CALN1: variants seen among roughly 807,000 people sequenced by gnomAD.
The protein encoded by CALN1 is calcium-binding protein 8.
CALN1 carries 17 observed loss-of-function variants against 30.6 expected under a neutral mutation model. That is an observed-to-expected ratio of 0.56 (90% CI 0.38 to 0.83). CALN1 has a LOEUF of 0.83. Among genes scored for constraint, CALN1 ranks in the 40% least tolerant of loss-of-function variants. The pLI is 0.00. For synonymous variants in CALN1, 156 were observed against 131.4 expected, an observed-to-expected ratio of 1.19 and a Z score of -1.28; for missense variants, 291 against 354.9, an observed-to-expected ratio of 0.82 and a Z score of 1.45.
intron 4 of CALN1, among the ~76,000 whole-genome samples, chr7:72,078,118 C>G (rs1177637472): frequency 6.6e-6 from 1 of 152,078 alleles, no homozygotes. Context: ...AGTGCTTGCC[C>G]TTTTGGAAGC....
At chr7:71,810,934 C>T (rs1375884647) in intron 5 of CALN1, among the ~76,000 whole-genome samples, 6 of 139,412 alleles carry the variant, frequency 4.3e-5, no homozygotes, top group African/African-American at 1.4e-4. Flanking sequence ...CTTGCTCTTT[C>T]GCCCAGGCTG....
At position 71,823,186 on chromosome 7, in the gene CALN1, CTT is replaced by C. The variant is rs10559746; in HGVS notation, c.502-12696_502-12695del. 9.9e-5 allele frequency among the ~76,000 whole-genome samples: 14 copies of C among 141,738 alleles called. No individual in the cohort carries two copies. In the South Asian group the frequency reaches 1.1e-3, roughly 11 times the overall value. 93.0% of individuals were successfully genotyped at this position (141,738 alleles called of 152,430 possible). On this transcript the variant is annotated intron_variant, in intron 5 of 6. Coordinates refer to ENST00000395275, the MANE Select transcript of CALN1 (RefSeq NM_031468.4). ...CTTCTCTCTCTCTCCGTCTCTCTCT[CTT>C]TTTTTTTTTTAAGAGACAGGGTCTC... is the stretch of plus-strand genomic sequence containing the variant.
At chr7:72,381,896 T>C (rs1352107703) in intron 2 of CALN1, among the ~76,000 whole-genome samples, 1 of 152,080 alleles carries the variant, frequency 6.6e-6, no homozygotes, top group African/African-American at 2.4e-5. Context: ...CTCCAAGAAA[T>C]AAGCCAAACC....
At chr7:72,217,072 A>G (rs887006262) in intron 3 of CALN1, among the ~76,000 whole-genome samples, 4 of 152,130 alleles carry the variant, frequency 2.6e-5, no homozygotes, top group Admixed American at 2.0e-4. Flanking sequence ...GAATGTGACA[A>G]GATGTTAAGA....
At chr7:71,876,522 A>G (rs1792252673) in intron 5 of CALN1, among the ~76,000 whole-genome samples, 1 of 152,226 alleles carries the variant, frequency 6.6e-6, no homozygotes, top group Non-Finnish European at 1.5e-5. Flanking sequence ...ATAGCAACAG[A>G]AAACAGACTA....
intron 3 of CALN1, among the ~76,000 whole-genome samples, chr7:72,122,042 C>T (rs1172019804): frequency 2.6e-5 from 4 of 151,848 alleles, no homozygotes; most frequent in African/African-American, 9.7e-5. Flanking sequence ...TCATTCGTCA[C>T]ACAGCCACAG....
At chr7:72,433,282 C>T (rs529468583) in intron 1 of CALN1, among the ~76,000 whole-genome samples, 9 of 152,304 alleles carry the variant, frequency 5.9e-5, no homozygotes, top group Admixed American at 2.0e-4. Context: ...CAAGAGAACA[C>T]ATCCACAAGA....
chr7:71,895,773 C>A (rs974732609), intron 5 of CALN1, among the ~76,000 whole-genome samples: 1 of 152,194 alleles, frequency 6.6e-6, no homozygotes, highest in Non-Finnish European at 1.5e-5. Context: ...TGGATTCCTT[C>A]CAGTCATTCA....
At chr7:71,799,731 C>T (rs1456889016) in intron 6 of CALN1, among the ~76,000 whole-genome samples, 2 of 152,176 alleles carry the variant, frequency 1.3e-5, no homozygotes, top group South Asian at 2.1e-4. Context: ...CGGCCTCAAC[C>T]TCCCAAAGTG....
chr7:72,026,031 A>ATT (rs1363075652), intron 4 of CALN1, among the ~76,000 whole-genome samples: 1 of 152,140 alleles, frequency 6.6e-6, no homozygotes, highest in Non-Finnish European at 1.5e-5. Flanking sequence ...GAAGAAATTG[A>ATT]TTTATCTTAT....
chr7:71,916,066 G>C (rs1418838030), intron 5 of CALN1, among the ~76,000 whole-genome samples: 1 of 152,056 alleles, frequency 6.6e-6, no homozygotes, highest in Non-Finnish European at 1.5e-5. Flanking sequence ...TTAAAATAGT[G>C]AATTTCCCTA....
At chr7:71,913,017 GAGGAGA>G (rs753665418) in intron 5 of CALN1, among the ~76,000 whole-genome samples, 2 of 152,196 alleles carry the variant, frequency 1.3e-5, no homozygotes, top group African/African-American at 4.8e-5. Flanking sequence ...AGTGGAGGCT[GAGGAGA>G]GCATCCAGGA....
At chr7:72,041,788 CA>C (rs1802146073) in intron 4 of CALN1, among the ~76,000 whole-genome samples, 1 of 152,108 alleles carries the variant, frequency 6.6e-6, no homozygotes, top group African/African-American at 2.4e-5. Context: ...GTGCTGTTCT[CA>C]AAACAGTGAA....
chr7:71,806,271 A>AAC lies in CALN1; in HGVS notation c.658+4063_658+4064dup, dbSNP rs71092914. 1.7e-3 allele frequency among the ~76,000 whole-genome samples: 158 copies of AAC among 93,282 alleles called. 1 individual carries two copies. The highest frequency in any genetic ancestry group is 8.1e-3 in the African/African-American group (113 of 13,996). 61.2% of individuals were successfully genotyped at this position (93,282 alleles called of 152,430 possible). A position where few individuals can be genotyped will look rare whatever the true frequency, so the allele number is the denominator to read the frequency against. Reference sequence around the variant, plus strand: ...GCATGCACACACACACACACACACAAACACACACACACACATGATTATAGT... The same window carrying AAC: ...GCATGCACACACACACACACACACAAACACACACACACACACATGATTATAGT... On this transcript the variant is annotated intron_variant, in intron 6 of 6. Transcript: ENST00000395275.
chr7:72,348,711 G>A (rs947088999), intron 2 of CALN1, among the ~76,000 whole-genome samples: 1 of 152,190 alleles, frequency 6.6e-6, no homozygotes, highest in Admixed American at 6.5e-5. Flanking sequence ...CCCCTTCCTG[G>A]TAGCAGGAAT....
intron 3 of CALN1, among the ~76,000 whole-genome samples, chr7:72,210,718 T>C (rs1792328295): frequency 1.3e-5 from 2 of 152,060 alleles, no homozygotes; most frequent in South Asian, 2.1e-4. Flanking sequence ...AATTATTTAA[T>C]ACCTCCACCT....
At chr7:71,835,219 A>C (rs1411117826) in intron 5 of CALN1, among the ~76,000 whole-genome samples, 1 of 152,204 alleles carries the variant, frequency 6.6e-6, no homozygotes, top group Non-Finnish European at 1.5e-5. Flanking sequence ...ACTGATCACA[A>C]AGGTAACATG....
chr7:71,974,044 T>TTG (rs2129526585), intron 5 of CALN1, among the ~76,000 whole-genome samples: 1 of 152,314 alleles, frequency 6.6e-6, no homozygotes, highest in East Asian at 1.9e-4. Flanking sequence ...CTTCCCTGCA[T>TTG]AGTCTGAATT....
chr7:72,223,815 G>A (rs1056264478), intron 3 of CALN1, among the ~76,000 whole-genome samples: 1 of 152,214 alleles, frequency 6.6e-6, no homozygotes, highest in African/African-American at 2.4e-5. Flanking sequence ...ATACTATGCA[G>A]CCATAAAAAA....
Sources: gnomAD v4.1 joint callset for allele counts (sites outside exome capture counted in the v4.1 genomes callset) on GRCh38, gnomAD v4.1.1 for gene constraint, MANE v1.5 for transcripts, NCBI Gene and HGNC (gene_info 2026-07-23, HGNC 2026-07-21) for gene names.